The following LYPLAL1 variants were observed in gnomAD, a reference collection of about 807,000 sequenced individuals.
LYPLAL1 encodes the protein lysophospholipase-like protein 1.
A neutral mutation model predicts 19.7 loss-of-function variants in LYPLAL1; 23 were observed. The ratio of observed to expected loss-of-function variants is 1.17; its 90% CI spans 0.84 to 1.65. The LOEUF (loss-of-function observed/expected upper bound fraction) is 1.65. Among genes scored for constraint, LYPLAL1 ranks in the 40% most tolerant of loss-of-function variants. The pLI is 0.00. For missense variants in LYPLAL1, 355 were observed against 279.4 expected (o/e 1.27, Z -1.93); for synonymous variants, 119 against 96.3 (o/e 1.24, Z -1.38).
At position 219,179,144 on chromosome 1, in the gene LYPLAL1, C is replaced by A; in HGVS notation, c.92-3C>A. 6.3e-7 allele frequency: 1 copy of A among 1,590,448 alleles called. No individual in the cohort carries two copies. The highest frequency in any genetic ancestry group is 8.6e-7 in the Non-Finnish European group (1 of 1,168,330). On this transcript the variant is annotated splice_region_variant and splice_polypyrimidine_tract_variant and intron_variant, in intron 1 of 4. Coordinates refer to ENST00000366928, the MANE Select transcript of LYPLAL1 (RefSeq NM_138794.5). The stretch of plus-strand genomic sequence containing the variant: ...TTTTAATCTAGATTTTTTGATTCAT[C>A]AGGTGATTCTGGACAAGGATTAAGA...
At chr1:219,378,716 G>C in the LYPLAL1 span, among the ~76,000 whole-genome samples, 62 of 152,182 alleles carry the variant, frequency 4.1e-4, no homozygotes, top group African/African-American at 1.4e-3. Flanking sequence ...AATGAGACAT[G>C]GAGTGCTTTA....
chr1:219,203,051 G>T (rs2125096401), intron 3 of LYPLAL1, among the ~76,000 whole-genome samples: 1 of 150,250 alleles, frequency 6.7e-6, no homozygotes, highest in African/African-American at 2.4e-5. Flanking sequence ...GATTGGAAAA[G>T]AAATATGAAG....
intron 3 of LYPLAL1, chr1:219,200,683 CA>C: frequency 1.6e-5 from 4 of 244,416 alleles, no homozygotes; most frequent in Non-Finnish European, 1.7e-5. Context: ...ACTCGGCAGC[CA>C]AAAGAGCTAC....
the LYPLAL1 span, among the ~76,000 whole-genome samples, chr1:219,420,035 TTATTATC>T: frequency 3.5e-4 from 53 of 152,228 alleles, no homozygotes; most frequent in African/African-American, 1.1e-3. Context: ...TCCTGATTCT[TTATTATC>T]TACAGAACTT....
At chr1:219,325,530 TTA>T in the LYPLAL1 span, among the ~76,000 whole-genome samples, 2 of 152,236 alleles carry the variant, frequency 1.3e-5, no homozygotes, top group Non-Finnish European at 2.9e-5. Flanking sequence ...GGTTTTACAC[TTA>T]TATGACTTTG....
At chr1:219,282,960 T>C in the LYPLAL1 span, among the ~76,000 whole-genome samples, 1 of 152,082 alleles carries the variant, frequency 6.6e-6, no homozygotes, top group Non-Finnish European at 1.5e-5. Context: ...GATGAAATTA[T>C]CCATCCTTTT....
chr1:219,351,448 C>G, the LYPLAL1 span, among the ~76,000 whole-genome samples: 1 of 152,044 alleles, frequency 6.6e-6, no homozygotes. Context: ...TACTAACCCA[C>G]TCTCATGAGG....
At chr1:219,441,045 G>A in the LYPLAL1 span, among the ~76,000 whole-genome samples, 1 of 152,216 alleles carries the variant, frequency 6.6e-6, no homozygotes, top group South Asian at 2.1e-4. Context: ...AGCATGATAC[G>A]TGAAACCACA....
At chr1:219,376,288 A>G in the LYPLAL1 span, among the ~76,000 whole-genome samples, 6 of 152,344 alleles carry the variant, frequency 3.9e-5, no homozygotes, top group Admixed American at 2.6e-4. Flanking sequence ...CCACTTGCAA[A>G]AGAATAAAGT....
chr1:219,293,131 G>A, the LYPLAL1 span, among the ~76,000 whole-genome samples: 1 of 152,244 alleles, frequency 6.6e-6, no homozygotes, highest in African/African-American at 2.4e-5. Flanking sequence ...TTTACATCTG[G>A]GATGGGATAG....
At chr1:219,306,243 G>A in the LYPLAL1 span, among the ~76,000 whole-genome samples, 8 of 152,232 alleles carry the variant, frequency 5.3e-5, no homozygotes, top group Admixed American at 1.3e-4. Flanking sequence ...AATGCTGTCA[G>A]ATATGTAACT....
At chr1:219,420,083 C>T in the LYPLAL1 span, among the ~76,000 whole-genome samples, 2 of 152,170 alleles carry the variant, frequency 1.3e-5, no homozygotes, top group Non-Finnish European at 2.9e-5. Flanking sequence ...TAACTTTCAG[C>T]AGGGAAAGAA....
intron 3 of LYPLAL1, chr1:219,210,212 TA>T (rs1658898039): frequency 6.0e-6 from 1 of 165,752 alleles, no homozygotes; most frequent in Non-Finnish European, 1.3e-5. Flanking sequence ...AAAATATAAG[TA>T]AATATTGAGA....
At chr1:219,346,751 A>G in the LYPLAL1 span, among the ~76,000 whole-genome samples, 4 of 152,176 alleles carry the variant, frequency 2.6e-5, no homozygotes, top group Non-Finnish European at 5.9e-5. Flanking sequence ...GTGGGGGGCC[A>G]TAAAAAAGAA....
chr1:219,235,634 A>G, the LYPLAL1 span, among the ~76,000 whole-genome samples: 1 of 152,214 alleles, frequency 6.6e-6, no homozygotes, highest in Non-Finnish European at 1.5e-5. Context: ...GTATTCAAAA[A>G]CAGAATTGCC....
the LYPLAL1 span, among the ~76,000 whole-genome samples, chr1:219,245,115 C>T: frequency 6.7e-6 from 1 of 148,376 alleles, no homozygotes; most frequent in Non-Finnish European, 1.5e-5. Flanking sequence ...TTCCTTTCTT[C>T]TGTTCTCTTT....
chr1:219,339,341 GTGTA>G, the LYPLAL1 span, among the ~76,000 whole-genome samples: 1 of 151,998 alleles, frequency 6.6e-6, no homozygotes, highest in Admixed American at 6.6e-5. Flanking sequence ...ATGCAGATGA[GTGTA>G]ACTACCTTGT....
the LYPLAL1 span, among the ~76,000 whole-genome samples, chr1:219,246,882 G>A: frequency 3.3e-5 from 5 of 152,124 alleles, no homozygotes; most frequent in South Asian, 2.1e-4. Context: ...CACTGTGCCC[G>A]GCCTAACTTA....
At chr1:219,375,039 G>A in the LYPLAL1 span, among the ~76,000 whole-genome samples, 1 of 152,148 alleles carries the variant, frequency 6.6e-6, no homozygotes, top group Non-Finnish European at 1.5e-5. Flanking sequence ...TGCGCATCAG[G>A]CAACAGACCT....
Sources: gnomAD v4.1 joint callset for allele counts (sites outside exome capture counted in the v4.1 genomes callset) on GRCh38, gnomAD v4.1.1 for gene constraint, MANE v1.5 for transcripts, NCBI Gene and HGNC (gene_info 2026-07-23, HGNC 2026-07-21) for gene names.